The following CCDC146 variants were observed in gnomAD, a reference collection of about 807,000 sequenced individuals.
CCDC146 encodes the protein coiled-coil domain containing 146.
In CCDC146, 92 loss-of-function variants were observed where a neutral mutation model predicts 119.3. The ratio of observed to expected loss-of-function variants is 0.77; its 90% CI spans 0.65 to 0.92. The LOEUF (loss-of-function observed/expected upper bound fraction) is 0.92, where lower values mean the gene tolerates loss of function less well. Ranked by LOEUF, CCDC146 falls within the 40% of genes least tolerant of loss-of-function variation. The pLI is 0.00. For synonymous variants in CCDC146, 372 were observed against 371.8 expected (o/e 1.00, Z -0.01); for missense variants, 1,000 against 1,103.0 (o/e 0.91, Z 1.32).
chr7:77,291,081 A>T (rs1793934458), intron 17 of CCDC146, among the ~76,000 whole-genome samples: 1 of 152,256 alleles, frequency 6.6e-6, no homozygotes, highest in Non-Finnish European at 1.5e-5. Flanking sequence ...ATGATGATGA[A>T]TAAAACAAAA....
rs183709167 is a variant in CCDC146 at position 77,147,010 on chromosome 7, A to C, written c.-11-20648A>C. On this transcript the variant is annotated intron_variant, in intron 1 of 18. Coordinates refer to ENST00000285871, the MANE Select transcript of CCDC146 (RefSeq NM_020879.3). ...GAAAATATCCTGCAGAGTGTTTTCC[A>C]ACTTGGTTCCATTCTCCCCGTCACT... Among the ~76,000 whole-genome samples, 731 of 152,310 alleles carry C rather than the reference A, an allele frequency of 4.8e-3. 7 individuals are homozygous for C. The highest frequency in any genetic ancestry group is 0.017 in the African/African-American group (708 of 41,562).
Position 77,241,824 on chromosome 7 carries a change from G to A in CCDC146, c.373G>A (p.Glu125Lys), listed in dbSNP as rs370960860. 6.2e-7 allele frequency: 1 copy of A among 1,613,990 alleles called. No individual in the cohort carries two copies. Among genetic ancestry groups the A allele is most frequent in the Non-Finnish European group, 8.5e-7 (1 of 1,179,946 alleles). The change falls in exon 4 of 19, where the codon GAA becomes AAA. Residue 125 changes from glutamate (E) to lysine (K), a missense_variant. Transcript: ENST00000285871. ...CTCCACGGAGGTCTCCAAAATGAGA[G>A]AACAACTTCTCAAGTATCAAAATGA... ...AFSTEVSKMR[E>K]QLLKYQNEYN...
At chr7:77,201,139 C>T (rs1791979178) in intron 2 of CCDC146, among the ~76,000 whole-genome samples, 1 of 152,186 alleles carries the variant, frequency 6.6e-6, no homozygotes, top group African/African-American at 2.4e-5. Context: ...CCTAGATCTA[C>T]CTCTGATCAT....
intron 13 of CCDC146, among the ~76,000 whole-genome samples, chr7:77,279,586 C>T (rs1351750731): frequency 6.6e-6 from 1 of 152,130 alleles, no homozygotes; most frequent in South Asian, 2.1e-4. Flanking sequence ...GGAGGCAATA[C>T]GTTATAGCAG....
intron 17 of CCDC146, among the ~76,000 whole-genome samples, chr7:77,291,906 C>T (rs1034962073): frequency 1.3e-5 from 2 of 152,210 alleles, no homozygotes; most frequent in Non-Finnish European, 2.9e-5. Flanking sequence ...TGCTGATTAT[C>T]TTATATAAGC....
intron 1 of CCDC146, among the ~76,000 whole-genome samples, chr7:77,129,294 T>A: frequency 6.6e-6 from 1 of 152,056 alleles, no homozygotes. Context: ...GATTTGCTGT[T>A]GTGATATCTC....
intron 2 of CCDC146, among the ~76,000 whole-genome samples, chr7:77,181,953 A>G (rs1791596101): frequency 2.0e-5 from 3 of 152,098 alleles, no homozygotes; most frequent in African/African-American, 7.2e-5. Context: ...TCCATCTGGT[A>G]TGTACGTTGA....
chr7:77,165,998 T>C (rs1448809051), intron 1 of CCDC146, among the ~76,000 whole-genome samples: 1 of 152,206 alleles, frequency 6.6e-6, no homozygotes, highest in Non-Finnish European at 1.5e-5. Flanking sequence ...TGAATAAAGC[T>C]TATGAAGCTT....
intron 18 of CCDC146, among the ~76,000 whole-genome samples, chr7:77,293,472 C>T (rs896113776): frequency 6.6e-6 from 1 of 152,236 alleles, no homozygotes; most frequent in Non-Finnish European, 1.5e-5. Context: ...CATGGCCTTC[C>T]ACCAGCATAG....
chr7:77,206,643 A>G (rs1792084731), intron 2 of CCDC146, among the ~76,000 whole-genome samples: 1 of 109,294 alleles, frequency 9.1e-6, no homozygotes, highest in Non-Finnish European at 1.7e-5. Flanking sequence ...CAAAAAAGAA[A>G]CATACATATA....
chr7:77,208,133 C>G (rs150705708), intron 2 of CCDC146, among the ~76,000 whole-genome samples: 1,565 of 152,274 alleles, frequency 0.01, 18 homozygotes, highest in Non-Finnish European at 0.013. Context: ...CTTTTCTGAA[C>G]CCCTCAATTC....
At chr7:77,142,683 C>CCCATGCCTATGTCCTGAATG (rs1790954672) in intron 1 of CCDC146, among the ~76,000 whole-genome samples, 13 of 151,270 alleles carry the variant, frequency 8.6e-5, no homozygotes, top group African/African-American at 2.9e-4. Context: ...TTTGTTCTTG[C>CCCATGCCTATGTCCTGAATG]GATAGTTTGC....
In CCDC146 at chr7:77,162,923, T is replaced by C. The variant is rs192484489; in HGVS notation, c.-11-4735T>C. On this transcript the variant is annotated intron_variant, in intron 1 of 18. Coordinates refer to ENST00000285871, the MANE Select transcript of CCDC146 (RefSeq NM_020879.3). Reference sequence around the variant, plus strand: ...TTTCTGATGATCTCTATCAGAACTCTGTTGTAGTGTCTTTTAGTTGCTTCC... The same window carrying C: ...TTTCTGATGATCTCTATCAGAACTCCGTTGTAGTGTCTTTTAGTTGCTTCC... Among the ~76,000 whole-genome samples the C allele has an allele frequency of 9.7e-4, 148 of 152,338 alleles. 4 individuals carry two copies. The highest frequency in any genetic ancestry group is 3.3e-3 in the African/African-American group (139 of 41,570).
chr7:77,212,596 G>C (rs1381607038), intron 2 of CCDC146, among the ~76,000 whole-genome samples: 1 of 141,982 alleles, frequency 7.0e-6, no homozygotes, highest in African/African-American at 2.7e-5. Context: ...ACTCCAGCCT[G>C]GGTGACAGAG....
At chr7:77,294,432 G>A (rs1794005667) in intron 18 of CCDC146, among the ~76,000 whole-genome samples, 1 of 148,950 alleles carries the variant, frequency 6.7e-6, no homozygotes, top group Admixed American at 6.7e-5. Context: ...ATGTGATGCT[G>A]AAGCAATACA....
In CCDC146 at chr7:77,262,355, T is replaced by C. The variant is rs1322373060; in HGVS notation, c.1173+48T>C. ...TGATTTTTAAGCTCGGTGCTAACTT[T>C]TGAAGTAAAAATATTTTAGGAAGTT... On this transcript the variant is annotated intron_variant, in intron 9 of 18. Transcript: ENST00000285871. 4.9e-6 allele frequency: 7 copies of C among 1,417,890 alleles called. No homozygotes were observed. The East Asian group carries it at 1.5e-4, about 30-fold the overall frequency. The allele number at this position is 1,417,890 out of a possible 1,614,324, so 87.8% of individuals were successfully genotyped here.
At chr7:77,148,293 C>G (rs139893082) in intron 1 of CCDC146, among the ~76,000 whole-genome samples, 24,180 of 152,114 alleles carry the variant, frequency 0.16, 2,534 homozygotes, top group South Asian at 0.32. Flanking sequence ...ACCTGATTTT[C>G]CAGGTGCCGT....
chr7:77,200,945 T>C (rs1791976013), intron 2 of CCDC146, among the ~76,000 whole-genome samples: 1 of 152,242 alleles, frequency 6.6e-6, no homozygotes, highest in Non-Finnish European at 1.5e-5. Context: ...AATGTTTTAT[T>C]GTATTACTTA....
intron 9 of CCDC146, among the ~76,000 whole-genome samples, chr7:77,268,303 C>A (rs1793446058): frequency 6.6e-6 from 1 of 151,954 alleles, no homozygotes; most frequent in South Asian, 2.1e-4. Context: ...TTGTTTTTGT[C>A]CTGATCCATC....
Sources: gnomAD v4.1 joint callset for allele counts (sites outside exome capture counted in the v4.1 genomes callset) on GRCh38, gnomAD v4.1.1 for gene constraint, MANE v1.5 for transcripts, NCBI Gene and HGNC (gene_info 2026-07-23, HGNC 2026-07-21) for gene names.